EYA2: variants seen among roughly 807,000 people sequenced by gnomAD.
EYA2 encodes the protein protein phosphatase EYA2.
In EYA2, 31 loss-of-function variants were observed where a neutral mutation model predicts 69.2. The ratio of observed to expected loss-of-function variants is 0.45; its 90% CI spans 0.34 to 0.60. The LOEUF (loss-of-function observed/expected upper bound fraction) is 0.60, where lower values mean the gene tolerates loss of function less well. Among genes scored for constraint, EYA2 ranks in the 20% least tolerant of loss-of-function variants. EYA2 has a pLI of 0.02. For missense variants in EYA2, 622 were observed against 701.2 expected (o/e 0.89, Z 1.28); for synonymous variants, 257 against 279.4 (o/e 0.92, Z 0.80).
intron 5 of EYA2, among the ~76,000 whole-genome samples, chr20:47,027,469 A>C (rs1158920311): frequency 6.6e-6 from 1 of 150,946 alleles, no homozygotes; most frequent in African/African-American, 2.4e-5. Context: ...CTGGGGGGTC[A>C]CTCTCCCCTC....
intron 9 of EYA2, among the ~76,000 whole-genome samples, chr20:47,123,535 T>C (rs1207357369): frequency 6.6e-6 from 1 of 152,124 alleles, no homozygotes; most frequent in East Asian, 1.9e-4. Flanking sequence ...ACCCTTTCAC[T>C]TGGTAGTCAG....
At chr20:47,045,974 T>G (rs1176421085) in intron 5 of EYA2, among the ~76,000 whole-genome samples, 1 of 152,178 alleles carries the variant, frequency 6.6e-6, no homozygotes, top group Admixed American at 6.5e-5. Flanking sequence ...AAGGCTAACG[T>G]CTAAGTCCAT....
chr20:46,970,948 C>CA (rs35168440), intron 1 of EYA2, among the ~76,000 whole-genome samples: 134,137 of 152,022 alleles, frequency 0.88, 59,846 homozygotes, highest in Non-Finnish European at 0.95. Flanking sequence ...AATACTATGA[C>CA]GGGGGAAATA....
intron 5 of EYA2, among the ~76,000 whole-genome samples, chr20:47,063,736 A>C (rs1323772241): frequency 2.6e-5 from 4 of 152,192 alleles, no homozygotes; most frequent in Admixed American, 2.6e-4. Context: ...TCATTTACTT[A>C]AGGTGTAACC....
intron 9 of EYA2, among the ~76,000 whole-genome samples, chr20:47,117,076 G>A (rs6094597): frequency 0.18 from 27,577 of 149,266 alleles, 2,686 homozygotes; most frequent in Middle Eastern, 0.33. Flanking sequence ...GTAGTGGTGC[G>A]ATCTCGGCTC....
chr20:47,002,223 G>T (rs1220571722), intron 3 of EYA2, among the ~76,000 whole-genome samples: 3 of 148,418 alleles, frequency 2.0e-5, no homozygotes, highest in African/African-American at 7.5e-5. Context: ...TTAAGTTCCA[G>T]TATACACATG....
At chr20:46,916,460 G>C (rs1015602853) in intron 1 of EYA2, among the ~76,000 whole-genome samples, 1 of 152,098 alleles carries the variant, frequency 6.6e-6, no homozygotes, top group Non-Finnish European at 1.5e-5. Flanking sequence ...GTGAGTTTGT[G>C]TGTGTGTGTA....
In EYA2 at chr20:47,183,340, T is replaced by C. The variant is rs2034574378; in HGVS notation, c.1485T>C (p.Ala495=). Residue 495 remains alanine, a synonymous_variant, in exon 15 of 16, where the codon GCT becomes GCC. Transcript: ENST00000327619. ...ERIMQRFGRK[A]VYVVIGDGVE... The stretch of plus-strand genomic sequence containing the variant: ...TAATGCAGAGATTCGGCAGAAAAGC[T>C]GTCTACGTGGTGATCGGTGATGGTG... 3.7e-6 allele frequency: 6 copies of C among 1,614,116 alleles called. No homozygotes were observed. Among genetic ancestry groups the C allele is most frequent in the Non-Finnish European group, 4.2e-6 (5 of 1,180,018 alleles).
At chr20:47,072,158 C>A in intron 5 of EYA2, 27 bp from the exon 6 acceptor site, 1 of 1,603,038 alleles carries the variant, frequency 6.2e-7, no homozygotes, top group South Asian at 1.1e-5. Context: ...GAACCCTAAC[C>A]TGTACCCCTG....
chr20:46,955,214 G>A (rs942629465), intron 1 of EYA2, among the ~76,000 whole-genome samples: 4 of 148,342 alleles, frequency 2.7e-5, no homozygotes, highest in Admixed American at 1.4e-4. Flanking sequence ...TCGGCTCACC[G>A]CAGCCTCCGC....
intron 1 of EYA2, among the ~76,000 whole-genome samples, chr20:46,914,074 A>G (rs1374329653): frequency 6.6e-6 from 1 of 152,138 alleles, no homozygotes; most frequent in Non-Finnish European, 1.5e-5. Flanking sequence ...AGGAAATGAC[A>G]ACAGGAGAAC....
intron 9 of EYA2, among the ~76,000 whole-genome samples, chr20:47,116,959 A>G (rs963116214): frequency 8.0e-5 from 12 of 150,792 alleles, no homozygotes; most frequent in African/African-American, 2.9e-4. Flanking sequence ...GCAGAGTCTC[A>G]GACCCCGCTG....
At chr20:46,911,264 C>T (rs1203008026) in intron 1 of EYA2, among the ~76,000 whole-genome samples, 1 of 140,240 alleles carries the variant, frequency 7.1e-6, no homozygotes, top group Non-Finnish European at 1.5e-5. Context: ...TGTGTGTGTC[C>T]ACTCTGTATA....
chr20:47,156,121 CACACACATATATATATATATATATAT>C (rs2033932652), intron 10 of EYA2, among the ~76,000 whole-genome samples: 5 of 24,376 alleles, frequency 2.1e-4, no homozygotes, highest in African/African-American at 9.6e-4. Context: ...CACACACACA[CACACACATATATATATATATATATAT>C]ATATATATAT....
intron 1 of EYA2, among the ~76,000 whole-genome samples, chr20:46,985,969 A>G (rs1421716830): frequency 6.6e-6 from 1 of 152,150 alleles, no homozygotes; most frequent in East Asian, 1.9e-4. Context: ...GAAACTAGTG[A>G]TATTTTTTAA....
chr20:47,125,807 C>G (rs1325039685), intron 9 of EYA2, among the ~76,000 whole-genome samples: 1 of 152,104 alleles, frequency 6.6e-6, no homozygotes, highest in East Asian at 1.9e-4. Flanking sequence ...GTAAACAGCT[C>G]CTTGGCGGTG....
intron 1 of EYA2, among the ~76,000 whole-genome samples, chr20:46,935,458 G>T (rs1252942403): frequency 2.0e-5 from 3 of 152,164 alleles, no homozygotes; most frequent in Non-Finnish European, 2.9e-5. Flanking sequence ...AATAAATGAC[G>T]ATGTTATTAA....
intron 1 of EYA2, among the ~76,000 whole-genome samples, chr20:46,987,033 G>A (rs1055376640): frequency 1.3e-5 from 2 of 152,148 alleles, no homozygotes; most frequent in African/African-American, 4.8e-5. Context: ...ATTATTAAGT[G>A]TTTCAGGCAT....
chr20:47,173,833 A>G (rs532424775), intron 12 of EYA2, among the ~76,000 whole-genome samples: 1 of 152,280 alleles, frequency 6.6e-6, no homozygotes, highest in East Asian at 1.9e-4. Flanking sequence ...CCACCCAGGG[A>G]GTTTCAGTTG....
Sources: allele counts gnomAD v4.1 joint callset (sites outside exome capture counted in the v4.1 genomes callset), GRCh38; gene constraint gnomAD v4.1.1; transcripts MANE v1.5; gene names NCBI Gene and HGNC (gene_info 2026-07-23, HGNC 2026-07-21).